Variants in POMC observed in about 807,000 individuals in gnomAD.
POMC encodes the protein pro-opiomelanocortin.
POMC carries 19 observed loss-of-function variants against 18.5 expected under a neutral mutation model. The observed-to-expected ratio is 1.03, with a 90% CI of 0.72 to 1.51. The LOEUF (loss-of-function observed/expected upper bound fraction) is 1.51, where lower values mean the gene tolerates loss of function less well. Ranked by LOEUF, POMC falls within the 40% of genes most tolerant of loss-of-function variation. The pLI, the probability that POMC is intolerant of heterozygous loss-of-function variation, is 0.00. For synonymous variants in POMC, 179 were observed against 161.9 expected, an observed-to-expected ratio of 1.11 and a Z score of -0.80; for missense variants, 451 against 379.0, an observed-to-expected ratio of 1.19 and a Z score of -1.58.
chr2:25,161,856 CGAGG>C lies in POMC; in HGVS notation c.133-108_133-105del. ...GGCCCTGGCCGCCCTCGCCACGTGC[CGAGG>C]ACACAGGGCACAGTGTCGGGCGTGT... On this transcript the variant is annotated intron_variant, in intron 2 of 2. Coordinates refer to ENST00000395826, the MANE Select transcript of POMC (RefSeq NM_000939.4). This position sits in a 1 kb window ranked among gnomAD's most constrained non-coding sequence, Gnocchi z 5.7. 6.9e-7 allele frequency: 1 copy of C among 1,454,852 alleles called. No individual in the cohort carries two copies. 90.1% of individuals were successfully genotyped at this position (1,454,852 alleles called of 1,614,324 possible). A position where few individuals can be genotyped will look rare whatever the true frequency, so the allele number is the denominator to read the frequency against.
chr2:25,163,116 G>A (rs1384545152), intron 2 of POMC, among the ~76,000 whole-genome samples: 2 of 152,228 alleles, frequency 1.3e-5, no homozygotes, highest in Non-Finnish European at 2.9e-5. Context: ...AATAGCAAAG[G>A]AGAAAATAAA....
chr2:25,167,110 T>G (rs1053134142), intron 1 of POMC, among the ~76,000 whole-genome samples: 3 of 152,216 alleles, frequency 2.0e-5, no homozygotes, highest in African/African-American at 7.2e-5. Flanking sequence ...CTTGTTACTG[T>G]AAAACTGCAC....
Position 25,164,708 on chromosome 2 carries a change from A to T in POMC, c.65T>A (p.Met22Lys), listed in dbSNP as rs777746663. 4 of 1,614,060 alleles carry T rather than the reference A, an allele frequency of 2.5e-6. No individual in the cohort carries two copies. In the African/African-American group the frequency reaches 4.0e-5, roughly 16 times the overall value. The change falls in exon 2 of 3, where the codon ATG becomes AAG. Residue 22 changes from methionine (M) to lysine (K), a missense_variant. Transcript: ENST00000395826. The part of the protein sequence containing the change: ...LLLALLLQAS[M>K]EVRGWCLESS... Reference sequence around the variant, plus strand: ...CTCCAGGCACCAGCCACGCACTTCCATGGAGGCCTGAAGCAGCAAGGCCAG... The same window carrying T: ...CTCCAGGCACCAGCCACGCACTTCCTTGGAGGCCTGAAGCAGCAAGGCCAG...
chr2:25,161,931 C>T lies in POMC; in HGVS notation c.133-179G>A, dbSNP rs1356540034. Among the ~76,000 whole-genome samples, 1 of 152,200 alleles carries T rather than the reference C, an allele frequency of 6.6e-6. No individual in the cohort carries two copies. Among genetic ancestry groups the T allele is most frequent in the Non-Finnish European group, 1.5e-5 (1 of 68,032 alleles). On this transcript the variant is annotated intron_variant, in intron 2 of 2. Transcript: ENST00000395826. The surrounding 1 kb of genome is among the most constrained non-coding windows in gnomAD (Gnocchi z 5.7). ...CAGAGCAGGTCTGCCCACCTGCTTTCTTGGCACTCGTGGGCATCTAAGATC... is the reference window on the plus strand; with the variant it reads ...CAGAGCAGGTCTGCCCACCTGCTTTTTTGGCACTCGTGGGCATCTAAGATC...
chr2:25,161,639 G>T lies in POMC; in HGVS notation c.246C>A (p.Phe82Leu). The change falls in exon 3 of 3, where the codon TTC (phenylalanine) becomes TTA (leucine). Residue 82 changes from phenylalanine (F) to leucine (L), a missense_variant. Coordinates refer to ENST00000395826, the MANE Select transcript of POMC (RefSeq NM_000939.4). The surrounding 1 kb of genome is among the most constrained non-coding windows in gnomAD (Gnocchi z 5.7). ...ENPRKYVMGH[F>L]RWDRFGRRNS... ...TGCGGCGGCCGAATCGGTCCCAGCG[G>T]AAGTGGCCCATGACGTACTTCCGGG... 4 of 1,554,212 alleles carry T rather than the reference G, an allele frequency of 2.6e-6. No homozygotes were observed. The highest frequency in any genetic ancestry group is 3.5e-6 in the Non-Finnish European group (4 of 1,149,356).
In POMC at chr2:25,168,203, T is replaced by C. The variant is rs1671623307; in HGVS notation, c.-21+295A>G. Among the ~76,000 whole-genome samples, 1 of 150,276 alleles carries C rather than the reference T, an allele frequency of 6.7e-6. No homozygotes were observed. Among genetic ancestry groups the C allele is most frequent in the African/African-American group, 2.4e-5 (1 of 40,948 alleles). On this transcript the variant is annotated intron_variant, in intron 1 of 2. Transcript: ENST00000395826. This position sits in a 1 kb window ranked among gnomAD's most constrained non-coding sequence, Gnocchi z 5.2. Reference sequence around the variant, plus strand: ...TGTCCCAAGACCTCCTAGCAAGCTCTCGGAGCCTCCGGACCGCCGCGAGCC... The same window carrying C: ...TGTCCCAAGACCTCCTAGCAAGCTCCCGGAGCCTCCGGACCGCCGCGAGCC...
At position 25,164,932 on chromosome 2, in the gene POMC, G is replaced by C. The variant is rs576568490; in HGVS notation, c.-20-140C>G. ...GCATTTTAAGGACAGCAGCAATGCTGAGAAAGGAGGTGTGCAGTACAGCGG... is the reference window on the plus strand; with the variant it reads ...GCATTTTAAGGACAGCAGCAATGCTCAGAAAGGAGGTGTGCAGTACAGCGG... On this transcript the variant is annotated intron_variant, in intron 1 of 2. Transcript: ENST00000395826. 836 of 859,310 alleles carry C rather than the reference G, an allele frequency of 9.7e-4. 1 individual carries two copies. The highest frequency in any genetic ancestry group is 1.7e-3 in the South Asian group (106 of 62,114). The allele number at this position is 859,310 out of a possible 1,614,324, so 53.2% of individuals were successfully genotyped here.
intron 2 of POMC, among the ~76,000 whole-genome samples, chr2:25,162,211 G>A (rs891266399): frequency 6.6e-6 from 1 of 152,192 alleles, no homozygotes; most frequent in Non-Finnish European, 1.5e-5. Context: ...CACTTTGGGA[G>A]GCCAAGGCAG....
rs765522434 is a variant in POMC at position 25,161,699 on chromosome 2, C to G, written c.186G>C (p.Pro62=). ...TCAGAGGCTGCTCGTCGCCATTTCCCGGGAACATGGGAGTCTCGGCCGAGA... is the reference window on the plus strand; with the variant it reads ...TCAGAGGCTGCTCGTCGCCATTTCCGGGGAACATGGGAGTCTCGGCCGAGA... ...PDLSAETPMF[P]GNGDEQPLTE... is the part of the protein sequence containing the mutation. The change falls in exon 3 of 3, where the codon CCG becomes CCC. Residue 62 remains proline, a synonymous_variant. Transcript: ENST00000395826. The surrounding 1 kb of genome is among the most constrained non-coding windows in gnomAD (Gnocchi z 5.7). 6.3e-7 allele frequency: 1 copy of G among 1,586,772 alleles called. No individual in the cohort carries two copies. The highest frequency in any genetic ancestry group is 1.2e-5 in the South Asian group (1 of 86,890).
chr2:25,164,840 A>G (rs1671503915), intron 1 of POMC, 48 bp from the exon 2 acceptor site: 2 of 1,602,822 alleles, frequency 1.2e-6, no homozygotes, highest in Admixed American at 1.7e-5. Context: ...GAGCAAAACA[A>G]TGTTGGCCAC....
chr2:25,166,198 G>A (rs983612727), intron 1 of POMC, among the ~76,000 whole-genome samples: 1 of 152,230 alleles, frequency 6.6e-6, no homozygotes, highest in African/African-American at 2.4e-5. Context: ...GGGTTGCCGG[G>A]CAAGGCTGAG....
chr2:25,161,641 A>C lies in POMC; in HGVS notation c.244T>G (p.Phe82Val), dbSNP rs755926365. ...ENPRKYVMGH[F>V]RWDRFGRRNS... ...CGGCGGCCGAATCGGTCCCAGCGGAAGTGGCCCATGACGTACTTCCGGGGG... is the reference window on the plus strand; with the variant it reads ...CGGCGGCCGAATCGGTCCCAGCGGACGTGGCCCATGACGTACTTCCGGGGG... Residue 82 changes from phenylalanine to valine, a missense_variant, in exon 3 of 3, where the codon TTC becomes GTC. Phe to Val is a conservative substitution (Grantham distance 50, BLOSUM62 -1). Transcript: ENST00000395826. The surrounding 1 kb of genome is among the most constrained non-coding windows in gnomAD (Gnocchi z 5.7). 9.0e-6 allele frequency: 14 copies of C among 1,553,750 alleles called. No homozygotes were observed. The East Asian group carries it at 1.9e-4, about 22-fold the overall frequency.
At position 25,161,681 on chromosome 2, in the gene POMC, C is replaced by A; in HGVS notation, c.204G>T (p.Gln68His). ...TPMFPGNGDE[Q>H]PLTENPRKYV... ...ACTTCCGGGGGTTCTCGGTCAGAGG[C>A]TGCTCGTCGCCATTTCCCGGGAACA... The change falls in exon 3 of 3, where the codon CAG (glutamine) becomes CAT (histidine). Residue 68 changes from glutamine to histidine, a missense_variant. By Grantham distance (24) the Gln-to-His change is conservative (BLOSUM62 0). Coordinates refer to ENST00000395826, the MANE Select transcript of POMC (RefSeq NM_000939.4). This position sits in a 1 kb window ranked among gnomAD's most constrained non-coding sequence, Gnocchi z 5.7. 1 of 1,572,838 alleles carries A rather than the reference C, an allele frequency of 6.4e-7. No individual in the cohort carries two copies. The highest frequency in any genetic ancestry group is 1.8e-5 in the Admixed American group (1 of 54,792).
In POMC at chr2:25,161,579, C is replaced by T. The variant is rs1162360165; in HGVS notation, c.306G>A (p.Gln102=). 1.3e-6 allele frequency: 2 copies of T among 1,532,542 alleles called. No individual in the cohort carries two copies. The highest frequency in any genetic ancestry group is 1.5e-5 in the African/African-American group (1 of 66,550). The allele number at this position is 1,532,542 out of a possible 1,614,324, so 94.9% of individuals were successfully genotyped here. ...SSSSGSSGAG[Q]KREDVSAGED... The stretch of plus-strand genomic sequence containing the variant: ...CGCCCGCTGAGACGTCCTCGCGCTT[C>T]TGCCCTGCGCCGCTGCTGCCGCTGC... The change falls in exon 3 of 3, where the codon CAG becomes CAA. Residue 102 remains glutamine (Q), a synonymous_variant. Transcript: ENST00000395826. The surrounding 1 kb of genome is among the most constrained non-coding windows in gnomAD (Gnocchi z 5.7).
At chr2:25,167,555 C>T (rs762557806) in intron 1 of POMC, among the ~76,000 whole-genome samples, 5 of 152,122 alleles carry the variant, frequency 3.3e-5, no homozygotes, top group East Asian at 3.8e-4. Context: ...GGACAGCTCC[C>T]GCCCCGGCCA....
rs15461 is a variant in POMC, at chr2:25,161,030, C to T, written c.*51G>A. 3 of 1,612,438 alleles carry T rather than the reference C, an allele frequency of 1.9e-6. No individual in the cohort carries two copies. On this transcript the variant is annotated 3_prime_UTR_variant, in exon 3 of 3. Transcript: ENST00000395826. This position sits in a 1 kb window ranked among gnomAD's most constrained non-coding sequence, Gnocchi z 5.7. ...CAGCAGGGCAGGGGAGAGCAAGGGGCTTTGGGGTCGACCTCCTGGGGGAGG... is the reference window on the plus strand; with the variant it reads ...CAGCAGGGCAGGGGAGAGCAAGGGGTTTTGGGGTCGACCTCCTGGGGGAGG...
In POMC at chr2:25,161,303, A is replaced by C. The variant is rs76413544; in HGVS notation, c.582T>G (p.Pro194=). 6.2e-7 allele frequency: 1 copy of C among 1,609,832 alleles called. No individual in the cohort carries two copies. Among genetic ancestry groups the C allele is most frequent in the Non-Finnish European group, 8.5e-7 (1 of 1,178,426 alleles). ...RLREGDGPDG[P]ADDGAGAQAD... ...CCTGGGCCCCTGCGCCGTCATCGGC[A>C]GGGCCGTCGGGGCCATCTCCCTCCC... Residue 194 remains proline, a synonymous_variant, in exon 3 of 3, where the codon CCT becomes CCG. Transcript: ENST00000395826. This position sits in a 1 kb window ranked among gnomAD's most constrained non-coding sequence, Gnocchi z 5.7.
At position 25,160,975 on chromosome 2, in the gene POMC, T is replaced by A. The variant is rs951505393; in HGVS notation, c.*106A>T. The A allele has an allele frequency of 3.9e-5, 60 of 1,548,284 alleles. No individual in the cohort carries two copies. In the Admixed American group the frequency reaches 4.3e-4, roughly 11 times the overall value. On this transcript the variant is annotated 3_prime_UTR_variant, in exon 3 of 3. Transcript: ENST00000395826. ...ACAGGCAGCTTTAAGAGGCTGATTA[T>A]CTGCCACGACCCCCCAGGCTGGGAG...
chr2:25,161,707 T>G lies in POMC; in HGVS notation c.178A>C (p.Met60Leu). The G allele has an allele frequency of 6.3e-7, 1 of 1,590,104 alleles. No homozygotes were observed. The highest frequency in any genetic ancestry group is 1.1e-5 in the South Asian group (1 of 87,226). The stretch of plus-strand genomic sequence containing the variant: ...TGCTCGTCGCCATTTCCCGGGAACA[T>G]GGGAGTCTCGGCCGAGAGGTCGGGC... Reference protein sequence around the residue: ...CKPDLSAETPMFPGNGDEQPL... With the variant: ...CKPDLSAETPLFPGNGDEQPL... Residue 60 changes from methionine to leucine, a missense_variant, in exon 3 of 3, where the codon ATG (methionine) becomes CTG (leucine). By Grantham distance (15) the Met-to-Leu change is conservative (BLOSUM62 2). Coordinates refer to ENST00000395826, the MANE Select transcript of POMC (RefSeq NM_000939.4). This position sits in a 1 kb window ranked among gnomAD's most constrained non-coding sequence, Gnocchi z 5.7.
Sources: gnomAD v4.1 joint callset for allele counts (sites outside exome capture counted in the v4.1 genomes callset) on GRCh38, gnomAD v4.1.1 for gene constraint, Gnocchi (gnomAD v3.1) non-coding constraint, MANE v1.5 for transcripts, NCBI Gene and HGNC (gene_info 2026-07-23, HGNC 2026-07-21) for gene names.